The following CALN1 variants were observed in gnomAD, a reference collection of about 807,000 sequenced individuals.
CALN1 encodes calneuron 1, also known as calcium-binding protein 8.
In CALN1, 17 loss-of-function variants were observed where a neutral mutation model predicts 30.6. That is an observed-to-expected ratio of 0.56 (90% CI 0.38 to 0.83). CALN1 has a LOEUF of 0.83. Among genes scored for constraint, CALN1 ranks in the 40% least tolerant of loss-of-function variants. CALN1 has a pLI of 0.00. For missense variants in CALN1, 291 were observed against 354.9 expected, an observed-to-expected ratio of 0.82 and a Z score of 1.45; for synonymous variants, 156 against 131.4, an observed-to-expected ratio of 1.19 and a Z score of -1.28.
At chr7:72,389,295 A>G (rs1805427537) in intron 2 of CALN1, among the ~76,000 whole-genome samples, 1 of 152,152 alleles carries the variant, frequency 6.6e-6, no homozygotes, top group Non-Finnish European at 1.5e-5. Flanking sequence ...TCTCTTCTCC[A>G]ACTTTGAATC....
chr7:72,325,805 T>G (rs185450413), intron 2 of CALN1, among the ~76,000 whole-genome samples: 1 of 152,126 alleles, frequency 6.6e-6, no homozygotes, highest in Non-Finnish European at 1.5e-5. Context: ...AGGGAACGGA[T>G]TGATGGCAAC....
chr7:71,990,216 T>A (rs1798875657), intron 5 of CALN1, among the ~76,000 whole-genome samples: 1 of 152,102 alleles, frequency 6.6e-6, no homozygotes, highest in African/African-American at 2.4e-5. Flanking sequence ...CATATGCTAA[T>A]TATAATAGAT....
At position 72,361,883 on chromosome 7, in the gene CALN1, T is replaced by C. The variant is rs539429176; in HGVS notation, c.119+41368A>G. Among the ~76,000 whole-genome samples the C allele has an allele frequency of 7.3e-4, 111 of 152,328 alleles. No individual in the cohort carries two copies. In the Middle Eastern group the frequency reaches 0.017, roughly 23 times the overall value. ...TAAAGTTATAAATTAGTGGACATTA[T>C]ACATGTAATATCCATTACAAATCAC... On this transcript the variant is annotated intron_variant, in intron 2 of 6. Coordinates refer to ENST00000395275, the MANE Select transcript of CALN1 (RefSeq NM_031468.4).
At chr7:72,199,136 G>A (rs376157280) in intron 3 of CALN1, among the ~76,000 whole-genome samples, 215 of 152,236 alleles carry the variant, frequency 1.4e-3, no homozygotes, top group African/African-American at 3.7e-3. Flanking sequence ...CTAGCTGGGC[G>A]TGGTGGTGGG....
chr7:72,234,699 G>T (rs1585229729), intron 3 of CALN1, among the ~76,000 whole-genome samples: 2 of 152,104 alleles, frequency 1.3e-5, no homozygotes, highest in South Asian at 2.1e-4. Context: ...GCCCGCCTTG[G>T]TCTCCTAAAG....
chr7:72,407,269 T>C (rs561946400), intron 1 of CALN1, among the ~76,000 whole-genome samples: 50 of 152,314 alleles, frequency 3.3e-4, no homozygotes, highest in South Asian at 6.2e-4. Flanking sequence ...AACCTGATAA[T>C]AACACCTACC....
intron 3 of CALN1, among the ~76,000 whole-genome samples, chr7:72,194,792 A>G (rs889328395): frequency 1.3e-5 from 2 of 151,686 alleles, no homozygotes; most frequent in African/African-American, 4.8e-5. Context: ...GGGTTTCACC[A>G]TGTTGGCCAG....
intron 2 of CALN1, among the ~76,000 whole-genome samples, chr7:72,299,557 C>A (rs1407081011): frequency 1.3e-5 from 2 of 151,856 alleles, no homozygotes; most frequent in Non-Finnish European, 2.9e-5. Flanking sequence ...AATAGGCAAA[C>A]AGGGAATGCA....
chr7:72,047,502 T>C (rs844774), intron 4 of CALN1, among the ~76,000 whole-genome samples: 9,618 of 152,150 alleles, frequency 0.063, 706 homozygotes, highest in African/African-American at 0.16. Context: ...GGCAAGAGGA[T>C]TGCTTGAGCC....
chr7:72,361,981 T>C lies in CALN1; in HGVS notation c.119+41270A>G, dbSNP rs555441879. On this transcript the variant is annotated intron_variant, in intron 2 of 6. Transcript: ENST00000395275. ...GCAGTTTTATTCATAATTTTTTTAA[T>C]GCGAGTTCTAGATATACTCAGAACA... Among the ~76,000 whole-genome samples, 71 of 152,302 alleles carry C rather than the reference T, an allele frequency of 4.7e-4. 1 individual carries two copies. In the South Asian group the frequency reaches 0.014, roughly 31 times the overall value.
intron 5 of CALN1, among the ~76,000 whole-genome samples, chr7:72,007,033 G>A (rs563749215): frequency 1.2e-3 from 185 of 152,278 alleles, no homozygotes; most frequent in African/African-American, 4.4e-3. Context: ...TCCACACACT[G>A]ATGAGATGAG....
At chr7:72,298,237 G>A (rs1332897115) in intron 2 of CALN1, among the ~76,000 whole-genome samples, 3 of 151,962 alleles carry the variant, frequency 2.0e-5, no homozygotes, top group South Asian at 2.1e-4. Flanking sequence ...GAAAGCGTGC[G>A]ACTCTTATTT....
At chr7:72,323,411 T>C (rs1801032670) in intron 2 of CALN1, among the ~76,000 whole-genome samples, 4 of 152,094 alleles carry the variant, frequency 2.6e-5, no homozygotes, top group Admixed American at 1.3e-4. Context: ...GGCTGCAGCT[T>C]GTTGGAAATG....
chr7:72,121,389 T>C lies in CALN1; in HGVS notation c.245-15095A>G, dbSNP rs544470794. On this transcript the variant is annotated intron_variant, in intron 3 of 6. Transcript: ENST00000395275. ...GATATATAAATTACGTATTATATAA[T>C]ATAGATGTTATATAATATGTACTAT... 2.1e-5 allele frequency among the ~76,000 whole-genome samples: 3 copies of C among 145,996 alleles called. No homozygotes were observed. In the East Asian group the frequency reaches 5.9e-4, roughly 29 times the overall value.
rs530213014 is a variant in CALN1, at chr7:71,911,179, ATT to A, written c.502-100689_502-100688del. On this transcript the variant is annotated intron_variant, in intron 5 of 6. Transcript: ENST00000395275. ...TTGCTGAAACAAGCACAAACCCTGTATTTTGGTAGCTGATTGAAACCCAAACC... is the reference window on the plus strand; with the variant it reads ...TTGCTGAAACAAGCACAAACCCTGTATTGGTAGCTGATTGAAACCCAAACC... 1.1e-4 allele frequency among the ~76,000 whole-genome samples: 17 copies of A among 152,318 alleles called. No individual in the cohort carries two copies. In the East Asian group the frequency reaches 3.1e-3, roughly 28 times the overall value.
At chr7:71,847,763 G>A (rs1790374463) in intron 5 of CALN1, among the ~76,000 whole-genome samples, 1 of 123,302 alleles carries the variant, frequency 8.1e-6, no homozygotes, top group Non-Finnish European at 1.8e-5. Flanking sequence ...GAAGAAAGAA[G>A]AAGAAGAAGA....
chr7:71,971,968 AG>A (rs1368494238), intron 5 of CALN1, among the ~76,000 whole-genome samples: 80 of 137,278 alleles, frequency 5.8e-4, no homozygotes, highest in Non-Finnish European at 1.1e-3. Flanking sequence ...AAAGAAAGAA[AG>A]AAAGAAAGAA....
At chr7:71,958,715 G>C (rs1256558454) in intron 5 of CALN1, among the ~76,000 whole-genome samples, 1 of 152,236 alleles carries the variant, frequency 6.6e-6, no homozygotes, top group Non-Finnish European at 1.5e-5. Context: ...CCATCCTTCA[G>C]AGCTGACCAC....
intron 5 of CALN1, among the ~76,000 whole-genome samples, chr7:71,958,081 AAAGAAAG>A (rs1797056244): frequency 7.0e-6 from 1 of 142,572 alleles, no homozygotes. Flanking sequence ...AAAAAAAAAA[AAAGAAAG>A]AAAGAAAAAA....
Sources: gnomAD v4.1 joint callset for allele counts (sites outside exome capture counted in the v4.1 genomes callset) on GRCh38, gnomAD v4.1.1 for gene constraint, MANE v1.5 for transcripts, NCBI Gene and HGNC (gene_info 2026-07-23, HGNC 2026-07-21) for gene names.